NR2C2: variants seen among roughly 807,000 people sequenced by gnomAD.
The protein encoded by NR2C2 is nuclear receptor subfamily 2 group C member 2, also known as Nuclear hormone receptor TR4.
Under a neutral mutation model 62.9 loss-of-function variants are expected in NR2C2, and 6 were observed. That is an observed-to-expected ratio of 0.10 (90% CI 0.05 to 0.19). NR2C2 has a LOEUF of 0.19. NR2C2 is among the 10% of genes least tolerant of loss of function. The pLI, the probability that NR2C2 is intolerant of heterozygous loss-of-function variation, is 1.00. For synonymous variants in NR2C2, 272 were observed against 273.8 expected, an observed-to-expected ratio of 0.99 and a Z score of 0.07; for missense variants, 479 against 762.7, an observed-to-expected ratio of 0.63 and a Z score of 4.38.
At chr3:15,008,160 AT>A (rs1312835032) in intron 2 of NR2C2, among the ~76,000 whole-genome samples, 3 of 151,706 alleles carry the variant, frequency 2.0e-5, no homozygotes, top group Non-Finnish European at 4.4e-5. Flanking sequence ...TATAAATTTG[AT>A]TTTGATTATG....
At chr3:14,965,421 A>G (rs978714299) in intron 1 of NR2C2, among the ~76,000 whole-genome samples, 5 of 149,162 alleles carry the variant, frequency 3.4e-5, no homozygotes, top group African/African-American at 9.9e-5. Context: ...CTTTGTATGC[A>G]TTCAAGAAGT....
chr3:14,997,795 A>T (rs2040874252), intron 1 of NR2C2, among the ~76,000 whole-genome samples: 1 of 152,246 alleles, frequency 6.6e-6, no homozygotes, highest in Non-Finnish European at 1.5e-5. Flanking sequence ...ATTGAGATAT[A>T]ATTCACATAC....
intron 9 of NR2C2, 141 bp downstream of exon 9, chr3:15,030,593 C>A: frequency 1.3e-6 from 1 of 781,616 alleles, no homozygotes; most frequent in Non-Finnish European, 1.9e-6. Context: ...TTCGGGAGGC[C>A]AAGGCACGTG....
chr3:14,986,209 TA>T (rs1248923959), intron 1 of NR2C2, among the ~76,000 whole-genome samples: 1 of 152,074 alleles, frequency 6.6e-6, no homozygotes, highest in South Asian at 2.1e-4. Context: ...TATATAATAA[TA>T]ATTATATTCA....
chr3:15,019,016 T>TAAAA (rs35022020), intron 4 of NR2C2, among the ~76,000 whole-genome samples: 2 of 76,492 alleles, frequency 2.6e-5, no homozygotes, highest in Non-Finnish European at 5.0e-5. Context: ...ACTCTTGTCT[T>TAAAA]AAAAAAAAAA....
intron 1 of NR2C2, among the ~76,000 whole-genome samples, chr3:14,975,785 GT>G (rs2040186686): frequency 6.6e-6 from 1 of 152,122 alleles, no homozygotes; most frequent in South Asian, 2.1e-4. Flanking sequence ...AAGGATTGAT[GT>G]TAATTCTTCT....
At position 15,030,407 on chromosome 3, in the gene NR2C2, T is replaced by C. The variant is rs749414934; in HGVS notation, c.1065T>C (p.Ile355=). 18 of 1,609,388 alleles carry C rather than the reference T, an allele frequency of 1.1e-5. No individual in the cohort carries two copies. In the Middle Eastern group the frequency reaches 6.6e-4, roughly 59 times the overall value. Reference sequence around the variant, plus strand: ...GCAGAGACCAGTCGACACCCATCATTGAGGTTGAAGGCCCCCTCCTTTCAG... The same window carrying C: ...GCAGAGACCAGTCGACACCCATCATCGAGGTTGAAGGCCCCCTCCTTTCAG... ...VISRDQSTPI[I]EVEGPLLSDT... The change falls in exon 9 of 14, where the codon ATT becomes ATC. Residue 355 remains isoleucine, a synonymous_variant. Coordinates refer to ENST00000425241, the MANE Select transcript of NR2C2 (RefSeq NM_001291694.2).
Position 15,016,217 on chromosome 3 carries a change from G to A in NR2C2, c.339G>A (p.Val113=). Residue 113 remains valine, a synonymous_variant, in exon 4 of 14, where the codon GTG becomes GTA. Transcript: ENST00000425241. The part of the protein sequence containing the change: ...LGKTDVQRPQ[V]VEYCVVCGDK... ...AGACGGACGTCCAGCGGCCCCAGGT[G>A]GTAGAGTACTGTGTGGTCTGTGGCG... 1 of 1,614,138 alleles carries A rather than the reference G, an allele frequency of 6.2e-7. No individual in the cohort carries two copies. Among genetic ancestry groups the A allele is most frequent in the Non-Finnish European group, 8.5e-7 (1 of 1,180,002 alleles).
chr3:15,039,033 C>T, intron 12 of NR2C2, 89 bp from the exon 13 acceptor site: 1 of 916,868 alleles, frequency 1.1e-6, no homozygotes, highest in Non-Finnish European at 1.8e-6. Flanking sequence ...AAGAAGTTTG[C>T]AGAAGTTTGA....
chr3:15,020,168 A>G (rs1449560519), intron 4 of NR2C2, among the ~76,000 whole-genome samples: 1 of 151,122 alleles, frequency 6.6e-6, no homozygotes, highest in Non-Finnish European at 1.5e-5. Flanking sequence ...ACCATATGGT[A>G]ATCCTCTTTT....
At chr3:14,954,543 C>T (rs1361524793) in intron 1 of NR2C2, among the ~76,000 whole-genome samples, 10 of 152,086 alleles carry the variant, frequency 6.6e-5, no homozygotes, top group South Asian at 4.2e-4. Flanking sequence ...GAATACTGTA[C>T]GACAGTGAAA....
intron 1 of NR2C2, among the ~76,000 whole-genome samples, chr3:14,988,334 C>G (rs921777421): frequency 2.0e-5 from 3 of 152,248 alleles, no homozygotes; most frequent in Admixed American, 2.0e-4. Flanking sequence ...CTGGTATTGT[C>G]TGTTTTTACA....
chr3:14,991,750 TTTTTTTTTTTTCTTTTTC>T (rs2040677003), intron 1 of NR2C2, among the ~76,000 whole-genome samples: 2 of 141,168 alleles, frequency 1.4e-5, no homozygotes, highest in Admixed American at 7.1e-5. Context: ...CCCTTTTTTC[TTTTTTTTTTTTCTTTTTC>T]TTTTTTTTTT....
intron 1 of NR2C2, among the ~76,000 whole-genome samples, chr3:14,950,741 T>A (rs1170541169): frequency 6.6e-6 from 1 of 152,240 alleles, no homozygotes; most frequent in Non-Finnish European, 1.5e-5. Context: ...TACATTTTGT[T>A]TACCATTACT....
At position 15,037,113 on chromosome 3, in the gene NR2C2, C is replaced by CA. The variant is rs1194047301; in HGVS notation, c.1373-874dup. ...CTCCAGCCTGGGACAGAGTGAGACT[C>CA]AAAAAAAAAAAAACCCCTTACAACA... On this transcript the variant is annotated intron_variant, in intron 11 of 13. Transcript: ENST00000425241. Among the ~76,000 whole-genome samples the CA allele has an allele frequency of 5.5e-3, 707 of 128,506 alleles. 1 individual carries two copies. Among genetic ancestry groups the CA allele is most frequent in the African/African-American group, 0.012 (405 of 35,116 alleles). The allele number at this position is 128,506 out of a possible 152,430, so 84.3% of individuals were successfully genotyped here. A position where few individuals can be genotyped will look rare whatever the true frequency, so the allele number is the denominator to read the frequency against.
chr3:15,028,003 C>T (rs1450646184), intron 7 of NR2C2, among the ~76,000 whole-genome samples: 1 of 152,046 alleles, frequency 6.6e-6, no homozygotes, highest in African/African-American at 2.4e-5. Flanking sequence ...GGGTTACAGG[C>T]ACCTGCCACC....
At chr3:14,961,423 A>G (rs2125247309) in intron 1 of NR2C2, among the ~76,000 whole-genome samples, 1 of 152,314 alleles carries the variant, frequency 6.6e-6, no homozygotes, top group South Asian at 2.1e-4. Context: ...AATTTTCTAT[A>G]TTGCACACTC....
At chr3:15,039,006 T>G (rs2042180428) in intron 12 of NR2C2, 116 bp from the exon 13 acceptor site, 2 of 723,436 alleles carry the variant, frequency 2.8e-6, no homozygotes, top group South Asian at 3.4e-5. Flanking sequence ...AGTCTTTGAG[T>G]TCAATTTGTT....
intron 11 of NR2C2, among the ~76,000 whole-genome samples, chr3:15,036,251 C>T (rs1214493671): frequency 6.6e-6 from 1 of 151,874 alleles, no homozygotes; most frequent in Non-Finnish European, 1.5e-5. Flanking sequence ...TAGTCCAGGA[C>T]ATACGTACCT....
Sources: allele counts gnomAD v4.1 joint callset (sites outside exome capture counted in the v4.1 genomes callset), GRCh38; gene constraint gnomAD v4.1.1; transcripts MANE v1.5; gene names NCBI Gene and HGNC (gene_info 2026-07-23, HGNC 2026-07-21).